The following ANK1 variants were observed in gnomAD, a reference collection of about 807,000 sequenced individuals.
ANK1 encodes the protein ankyrin 1.
Under a neutral mutation model 210.4 loss-of-function variants are expected in ANK1, and 51 were observed. The ratio of observed to expected loss-of-function variants is 0.24; its 90% CI spans 0.19 to 0.31. The LOEUF (loss-of-function observed/expected upper bound fraction) is 0.31. Among genes scored for constraint, ANK1 ranks in the 10% least tolerant of loss-of-function variants. The pLI, the probability that ANK1 is intolerant of heterozygous loss-of-function variation, is 1.00. For missense variants in ANK1, 2,051 were observed against 2,504.4 expected (o/e 0.82, Z 3.86); for synonymous variants, 967 against 1,025.9 (o/e 0.94, Z 1.10).
intron 42 of ANK1, chr8:41,661,226 A>T: frequency 1.4e-6 from 1 of 738,638 alleles, no homozygotes; most frequent in East Asian, 2.9e-5. Flanking sequence ...GGATATTATT[A>T]ACTCTGTTTC....
chr8:41,803,033 G>GAA (rs3065761), intron 1 of ANK1, among the ~76,000 whole-genome samples: 1 of 77,528 alleles, frequency 1.3e-5, no homozygotes, highest in African/African-American at 5.7e-5. Context: ...AAGAAAGAAA[G>GAA]AAAGAAAGAG....
At chr8:41,862,458 T>G (rs1456440919) in intron 1 of ANK1, among the ~76,000 whole-genome samples, 2 of 152,116 alleles carry the variant, frequency 1.3e-5, no homozygotes, top group African/African-American at 4.8e-5. Flanking sequence ...CTGATTCATC[T>G]TCCCAGGTCA....
intron 1 of ANK1, among the ~76,000 whole-genome samples, chr8:41,820,370 TG>T (rs1804047769): frequency 7.3e-6 from 1 of 137,640 alleles, no homozygotes; most frequent in South Asian, 2.2e-4. Flanking sequence ...TGTGTGTGTG[TG>T]TGTGTGTGTA....
chr8:41,743,806 C>T (rs1835380566), intron 2 of ANK1, among the ~76,000 whole-genome samples: 1 of 142,454 alleles, frequency 7.0e-6, no homozygotes. Context: ...CTCATTGATT[C>T]TTCATATATA....
At chr8:41,670,068 GCCTA>G in intron 38 of ANK1, among the ~76,000 whole-genome samples, 1 of 151,894 alleles carries the variant, frequency 6.6e-6, no homozygotes, top group African/African-American at 2.4e-5. Context: ...CCACACACAC[GCCTA>G]CCTCCTGTCC....
intron 1 of ANK1, among the ~76,000 whole-genome samples, chr8:41,767,309 C>A (rs1419426475): frequency 6.6e-6 from 1 of 151,494 alleles, no homozygotes; most frequent in Non-Finnish European, 1.5e-5. Context: ...GCCCCGGCCC[C>A]GGCCGGGCAA....
chr8:41,663,112 CTCTGTGTGTG>C (rs1036232048), intron 40 of ANK1, among the ~76,000 whole-genome samples: 2 of 129,484 alleles, frequency 1.5e-5, no homozygotes, highest in African/African-American at 2.8e-5. Context: ...CTCTCTCTCT[CTCTGTGTGTG>C]TGTGTGTGTG....
In ANK1 at chr8:41,723,515, C is replaced by T; in HGVS notation, c.810+20G>A. 1 of 1,613,528 alleles carries T rather than the reference C, an allele frequency of 6.2e-7. No individual in the cohort carries two copies. Among genetic ancestry groups the T allele is most frequent in the African/African-American group, 1.3e-5 (1 of 75,058 alleles). On this transcript the variant is annotated intron_variant, in intron 8 of 42. Coordinates refer to ENST00000289734, the MANE Select transcript of ANK1 (RefSeq NM_000037.4). ...GGACCTCCCTCCCCCTGCCTGGCTA[C>T]AGCACCTGCTGGCACCCACCTTGGT...
At chr8:41,719,561 G>T in intron 10 of ANK1, 100 bp downstream of exon 10, 2 of 1,505,094 alleles carry the variant, frequency 1.3e-6, no homozygotes, top group Non-Finnish European at 9.2e-7. Flanking sequence ...GGGAGCTCCG[G>T]GCACCTGCCG....
At chr8:41,846,371 C>G (rs1319673721) in intron 1 of ANK1, among the ~76,000 whole-genome samples, 1 of 152,226 alleles carries the variant, frequency 6.6e-6, no homozygotes, top group African/African-American at 2.4e-5. Context: ...CCATATTCAC[C>G]CACAGAACAG....
At chr8:41,657,715 C>T (rs1168231908) in intron 42 of ANK1, among the ~76,000 whole-genome samples, 2 of 152,116 alleles carry the variant, frequency 1.3e-5, no homozygotes, top group Non-Finnish European at 2.9e-5. Flanking sequence ...GCATGACTGC[C>T]CATTTCATCC....
chr8:41,744,786 C>A (rs562224743), intron 2 of ANK1, among the ~76,000 whole-genome samples: 1 of 152,156 alleles, frequency 6.6e-6, no homozygotes, highest in Non-Finnish European at 1.5e-5. Flanking sequence ...CTGCCCACCT[C>A]GGCCTCCCAA....
At chr8:41,858,845 C>G (rs10504047) in intron 1 of ANK1, among the ~76,000 whole-genome samples, 51,605 of 152,138 alleles carry the variant, frequency 0.34, 8,885 homozygotes, top group African/African-American at 0.39. Flanking sequence ...TTAATAAATC[C>G]AGGCTGTTCT....
chr8:41,775,244 C>G (rs1843759852), intron 1 of ANK1, among the ~76,000 whole-genome samples: 1 of 152,180 alleles, frequency 6.6e-6, no homozygotes, highest in Non-Finnish European at 1.5e-5. Context: ...CCATCTGGAG[C>G]AGGCGGGGCC....
At chr8:41,849,036 G>A (rs1810661991) in intron 1 of ANK1, among the ~76,000 whole-genome samples, 1 of 152,206 alleles carries the variant, frequency 6.6e-6, no homozygotes, top group Admixed American at 6.5e-5. Context: ...GGCCAGACAG[G>A]GCACCAGGGA....
chr8:41,733,981 G>A lies in ANK1; in HGVS notation c.218C>T (p.Thr73Met), dbSNP rs767168891. Residue 73 changes from threonine (T) to methionine (M), a missense_variant, in exon 3 of 43, where the codon ACG becomes ATG. Thr to Met is a moderately conservative substitution (Grantham distance 81). Transcript: ENST00000289734. Reference sequence around the variant, plus strand: ...CCCTGTGAGACATACCTTGGTTGTCGTTTCTAGAATGATTTCTTTGTGCAG... The same window carrying A: ...CCCTGTGAGACATACCTTGGTTGTCATTTCTAGAATGATTTCTTTGTGCAG... ...ELLHKEIILE[T>M]TTKKGNTALH... is the part of the protein sequence containing the mutation. The A allele has an allele frequency of 5.0e-6, 8 of 1,614,028 alleles. No individual in the cohort carries two copies. The highest frequency in any genetic ancestry group is 2.2e-5 in the South Asian group (2 of 91,080).
At position 41,749,762 on chromosome 8, in the gene ANK1, G is replaced by A. The variant is rs535615744; in HGVS notation, c.129+8274C>T. Among the ~76,000 whole-genome samples the A allele has an allele frequency of 3.9e-5, 6 of 151,960 alleles. No homozygotes were observed. The South Asian group carries it at 8.3e-4, about 21-fold the overall frequency. On this transcript the variant is annotated intron_variant, in intron 2 of 42. Transcript: ENST00000289734. ...TGAGTAGCTGGGATTACAGGCATGC[G>A]CCACAACGCTTGGCTAATTTTGTAT... is the stretch of plus-strand genomic sequence containing the variant.
rs1458915148 is a variant in ANK1, at chr8:41,655,667, C to G, written c.*123G>C. 5 of 1,586,126 alleles carry G rather than the reference C, an allele frequency of 3.2e-6. No individual in the cohort carries two copies. Among genetic ancestry groups the G allele is most frequent in the Non-Finnish European group, 4.3e-6 (5 of 1,155,164 alleles). On this transcript the variant is annotated 3_prime_UTR_variant, in exon 43 of 43. Coordinates refer to ENST00000289734, the MANE Select transcript of ANK1 (RefSeq NM_000037.4). Reference sequence around the variant, plus strand: ...CCGTCAGCCCAGAGGAATGTGTGCACCGCTGCGGTGGCCCTCAGGTCCAGC... The same window carrying G: ...CCGTCAGCCCAGAGGAATGTGTGCAGCGCTGCGGTGGCCCTCAGGTCCAGC...
intron 36 of ANK1, among the ~76,000 whole-genome samples, chr8:41,685,092 C>T (rs1439458541): frequency 6.6e-6 from 1 of 152,150 alleles, no homozygotes; most frequent in Non-Finnish European, 1.5e-5. Context: ...CCACGCCCTG[C>T]TAATTTTTGT....
Sources: gnomAD v4.1 joint callset for allele counts (sites outside exome capture counted in the v4.1 genomes callset) on GRCh38, gnomAD v4.1.1 for gene constraint, MANE v1.5 for transcripts, NCBI Gene and HGNC (gene_info 2026-07-23, HGNC 2026-07-21) for gene names.